The following ARHGAP24 variants were observed in gnomAD, a reference collection of about 807,000 sequenced individuals.
ARHGAP24 encodes the protein Rho GTPase activating protein 24.
Under a neutral mutation model 76.4 loss-of-function variants are expected in ARHGAP24, and 50 were observed. The ratio of observed to expected loss-of-function variants is 0.65; its 90% confidence interval spans 0.52 to 0.83. ARHGAP24 has a LOEUF of 0.83. ARHGAP24 is among the 40% of genes least tolerant of loss of function. ARHGAP24 has a pLI of 0.00. For missense variants in ARHGAP24, 930 were observed against 914.2 expected (o/e 1.02, Z -0.22); for synonymous variants, 345 against 323.3 (o/e 1.07, Z -0.72).
At chr4:85,561,862 A>G (rs1560533411) in intron 1 of ARHGAP24, among the ~76,000 whole-genome samples, 1 of 152,162 alleles carries the variant, frequency 6.6e-6, no homozygotes, top group Non-Finnish European at 1.5e-5. Flanking sequence ...GACAAGGAAA[A>G]CCGAATACAA....
intron 2 of ARHGAP24, among the ~76,000 whole-genome samples, chr4:85,660,639 T>C (rs1722341673): frequency 6.6e-6 from 1 of 151,682 alleles, no homozygotes; most frequent in African/African-American, 2.4e-5. Context: ...CTACTAAAAA[T>C]GCAGAAATTA....
intron 3 of ARHGAP24, among the ~76,000 whole-genome samples, chr4:85,726,195 G>A (rs1235131110): frequency 6.6e-6 from 1 of 151,610 alleles, no homozygotes; most frequent in African/African-American, 2.4e-5. Flanking sequence ...ATTTCCATCG[G>A]TCTTTTCAGC....
intron 3 of ARHGAP24, among the ~76,000 whole-genome samples, chr4:85,748,987 A>T (rs996902142): frequency 6.6e-6 from 1 of 151,936 alleles, no homozygotes; most frequent in African/African-American, 2.4e-5. Context: ...GTCACCAACA[A>T]CTCTAAAGAT....
At chr4:85,549,707 C>T (rs1052449409) in intron 1 of ARHGAP24, among the ~76,000 whole-genome samples, 4 of 152,108 alleles carry the variant, frequency 2.6e-5, no homozygotes, top group African/African-American at 9.7e-5. Context: ...TTCACTACCC[C>T]AGGTAATAAG....
At chr4:85,577,772 G>A (rs1368510724) in intron 2 of ARHGAP24, among the ~76,000 whole-genome samples, 2 of 152,148 alleles carry the variant, frequency 1.3e-5, no homozygotes, top group Non-Finnish European at 2.9e-5. Flanking sequence ...TTCAGGGAGA[G>A]CTTCTCAAAG....
intron 9 of ARHGAP24, among the ~76,000 whole-genome samples, chr4:85,998,903 T>G (rs937384446): frequency 6.6e-6 from 1 of 152,224 alleles, no homozygotes; most frequent in Non-Finnish European, 1.5e-5. Flanking sequence ...GTGGCCTCTA[T>G]CCAAGACTAA....
At position 85,995,188 on chromosome 4, in the gene ARHGAP24, A is replaced by C; in HGVS notation, c.1534A>C (p.Arg512=). The part of the protein sequence containing the change: ...SWLPNGYVTL[R]DNKQKEQAGE... ...GCTGCCAAATGGCTATGTGACCCTGAGGGATAACAAGCAGAAAGAACAAGC... is the reference window on the plus strand; with the variant it reads ...GCTGCCAAATGGCTATGTGACCCTGCGGGATAACAAGCAGAAAGAACAAGC... Residue 512 remains arginine, a synonymous_variant, in exon 9 of 10, where the codon AGG becomes CGG. Transcript: ENST00000395184. The C allele has an allele frequency of 6.2e-7, 1 of 1,614,000 alleles. No individual in the cohort carries two copies. The highest frequency in any genetic ancestry group is 8.5e-7 in the Non-Finnish European group (1 of 1,180,026).
At chr4:85,906,304 G>T (rs1009367879) in intron 3 of ARHGAP24, among the ~76,000 whole-genome samples, 1 of 152,140 alleles carries the variant, frequency 6.6e-6, no homozygotes, top group Non-Finnish European at 1.5e-5. Context: ...ATGTCATATG[G>T]CTGGAGATGG....
intron 2 of ARHGAP24, among the ~76,000 whole-genome samples, chr4:85,661,659 C>G (rs966839129): frequency 6.6e-6 from 1 of 151,758 alleles, no homozygotes; most frequent in Non-Finnish European, 1.5e-5. Context: ...TAATGCTATC[C>G]CTCCCCCCTT....
intron 1 of ARHGAP24, among the ~76,000 whole-genome samples, chr4:85,482,593 G>T (rs893058540): frequency 5.3e-5 from 8 of 152,252 alleles, no homozygotes; most frequent in African/African-American, 1.9e-4. Flanking sequence ...CAAGAAATCA[G>T]GAGAAAAGGC....
chr4:85,973,839 T>TTTTTG (rs1739144371), intron 6 of ARHGAP24, among the ~76,000 whole-genome samples: 1 of 66,006 alleles, frequency 1.5e-5, no homozygotes, highest in Non-Finnish European at 3.1e-5. Flanking sequence ...TATTGTTTTT[T>TTTTTG]TTTTTTTTTT....
intron 3 of ARHGAP24, among the ~76,000 whole-genome samples, chr4:85,899,472 G>A (rs192152855): frequency 3.3e-5 from 5 of 152,010 alleles, no homozygotes; most frequent in African/African-American, 9.7e-5. Context: ...TTTTTATTAC[G>A]TAGAAACAGA....
chr4:85,987,352 A>G (rs1004960413), intron 8 of ARHGAP24, among the ~76,000 whole-genome samples: 3 of 152,086 alleles, frequency 2.0e-5, no homozygotes, highest in Non-Finnish European at 1.5e-5. Flanking sequence ...ACGAAGTCCA[A>G]CACATCTAGA....
intron 3 of ARHGAP24, among the ~76,000 whole-genome samples, chr4:85,919,746 C>T (rs982451138): frequency 1.3e-5 from 2 of 152,182 alleles, no homozygotes; most frequent in African/African-American, 4.8e-5. Context: ...GGCTGCCACT[C>T]ACTCTAATTA....
At chr4:85,623,522 G>C (rs371384117) in intron 2 of ARHGAP24, among the ~76,000 whole-genome samples, 3 of 152,024 alleles carry the variant, frequency 2.0e-5, no homozygotes, top group South Asian at 2.1e-4. Flanking sequence ...AGTCAGGTAG[G>C]GTGATGCCTC....
At chr4:85,713,810 C>T (rs1471811466) in intron 2 of ARHGAP24, among the ~76,000 whole-genome samples, 1 of 152,138 alleles carries the variant, frequency 6.6e-6, no homozygotes, top group Non-Finnish European at 1.5e-5. Context: ...TTTGTGTCAA[C>T]ATTTGCATTA....
chr4:85,756,312 A>G (rs1049729327), intron 3 of ARHGAP24, among the ~76,000 whole-genome samples: 3 of 152,214 alleles, frequency 2.0e-5, no homozygotes, highest in African/African-American at 7.2e-5. Context: ...ATTTTTAGGA[A>G]CTGGACATTA....
chr4:85,838,806 C>T (rs1206347363), intron 3 of ARHGAP24, among the ~76,000 whole-genome samples: 4 of 152,086 alleles, frequency 2.6e-5, no homozygotes, highest in African/African-American at 9.7e-5. Flanking sequence ...ATCCCTCCCT[C>T]CCCCAAGCTA....
chr4:85,696,272 A>C (rs1286170868), intron 2 of ARHGAP24, among the ~76,000 whole-genome samples: 1 of 152,152 alleles, frequency 6.6e-6, no homozygotes, highest in Non-Finnish European at 1.5e-5. Context: ...ATTTTTATTA[A>C]AAGTGAGTTC....
Sources: gnomAD v4.1 joint callset for allele counts (sites outside exome capture counted in the v4.1 genomes callset) on GRCh38, gnomAD v4.1.1 for gene constraint, MANE v1.5 for transcripts, NCBI Gene and HGNC (gene_info 2026-07-23, HGNC 2026-07-21) for gene names.